Variants in NTRK3 observed in about 807,000 individuals in gnomAD.
The protein encoded by NTRK3 is neurotrophic receptor tyrosine kinase 3, also known as NT-3 growth factor receptor.
Under a neutral mutation model 91.7 loss-of-function variants are expected in NTRK3, and 24 were observed. The observed-to-expected ratio is 0.26, with a 90% CI of 0.19 to 0.37. The LOEUF (loss-of-function observed/expected upper bound fraction) is 0.37. NTRK3 is among the 10% of genes least tolerant of loss of function. NTRK3 has a pLI of 1.00. For missense variants in NTRK3, 880 were observed against 1,068.9 expected, an observed-to-expected ratio of 0.82 and a Z score of 2.46; for synonymous variants, 483 against 404.0, an observed-to-expected ratio of 1.20 and a Z score of -2.34.
intron 6 of NTRK3, among the ~76,000 whole-genome samples, chr15:88,143,700 C>T (rs2042610081): frequency 6.6e-6 from 1 of 152,022 alleles, no homozygotes; most frequent in South Asian, 2.1e-4. Context: ...TATAGTAATA[C>T]TATTAGTAAC....
intron 3 of NTRK3, among the ~76,000 whole-genome samples, chr15:88,186,267 C>G (rs992795451): frequency 2.0e-5 from 3 of 152,194 alleles, no homozygotes; most frequent in Admixed American, 1.3e-4. Flanking sequence ...TTTTTCACAG[C>G]CCACATTAGA....
intron 17 of NTRK3, among the ~76,000 whole-genome samples, chr15:87,882,351 T>C (rs1332602195): frequency 2.0e-5 from 3 of 152,152 alleles, no homozygotes; most frequent in African/African-American, 7.2e-5. Context: ...ATTGAATACA[T>C]ATTCTAGAAA....
At chr15:87,998,531 T>C (rs1201735281) in intron 14 of NTRK3, among the ~76,000 whole-genome samples, 2 of 152,234 alleles carry the variant, frequency 1.3e-5, no homozygotes, top group East Asian at 1.9e-4. Context: ...ACAAGTCACA[T>C]TGGACTTTAA....
chr15:88,057,118 G>A (rs571597166), intron 13 of NTRK3, among the ~76,000 whole-genome samples: 41 of 147,718 alleles, frequency 2.8e-4, no homozygotes, highest in African/African-American at 1.0e-3. Context: ...GCAGTGAGTC[G>A]AGATCGCGCC....
At chr15:88,123,485 A>C (rs1364024173) in intron 13 of NTRK3, among the ~76,000 whole-genome samples, 1 of 152,216 alleles carries the variant, frequency 6.6e-6, no homozygotes, top group Non-Finnish European at 1.5e-5. Context: ...ATGCAGCTTG[A>C]GGCATTTGCT....
At chr15:88,133,122 G>A (rs1247903755) in intron 10 of NTRK3, among the ~76,000 whole-genome samples, 1 of 152,190 alleles carries the variant, frequency 6.6e-6, no homozygotes, top group African/African-American at 2.4e-5. Context: ...CTCAGGTGAG[G>A]TGGATGGGGC....
exon 19 of NTRK3, chr15:87,871,332 C>T (rs143989631): frequency 7.8e-4 from 180 of 231,382 alleles, no homozygotes; most frequent in African/African-American, 3.7e-3. Context: ...TAGGGCAGCC[C>T]ATGCTCAGAG....
At chr15:87,912,922 G>GT (rs2067175244) in intron 17 of NTRK3, among the ~76,000 whole-genome samples, 1 of 18,114 alleles carries the variant, frequency 5.5e-5, no homozygotes, top group Non-Finnish European at 1.0e-4. Flanking sequence ...TTTTCAAAAA[G>GT]TAAAAAAAAA....
intron 14 of NTRK3, among the ~76,000 whole-genome samples, chr15:87,969,394 C>T (rs1456184167): frequency 6.6e-6 from 1 of 152,100 alleles, no homozygotes; most frequent in South Asian, 2.1e-4. Context: ...TATTGAAGGA[C>T]ATGAATTTTC....
intron 17 of NTRK3, among the ~76,000 whole-genome samples, chr15:87,921,364 T>C (rs1391555129): frequency 1.3e-5 from 2 of 152,194 alleles, no homozygotes; most frequent in Non-Finnish European, 2.9e-5. Context: ...TAGGAGTACC[T>C]AATGGCTAAA....
intron 16 of NTRK3, among the ~76,000 whole-genome samples, chr15:87,931,961 A>G (rs1032138352): frequency 1.3e-5 from 2 of 152,230 alleles, no homozygotes; most frequent in Admixed American, 1.3e-4. Flanking sequence ...GCCACACCCT[A>G]AGTATACAGG....
chr15:88,181,053 T>A (rs1158738159), intron 5 of NTRK3, among the ~76,000 whole-genome samples: 1 of 152,136 alleles, frequency 6.6e-6, no homozygotes, highest in Non-Finnish European at 1.5e-5. Flanking sequence ...GCTGACTTTC[T>A]TGAACTAGGT....
At chr15:88,036,829 T>C (rs1297133496) in intron 13 of NTRK3, among the ~76,000 whole-genome samples, 1 of 152,140 alleles carries the variant, frequency 6.6e-6, no homozygotes, top group Non-Finnish European at 1.5e-5. Context: ...TTCTCAGCAT[T>C]ATAGGATGTG....
At position 87,932,867 on chromosome 15, in the gene NTRK3, A is replaced by G. The variant is rs1567122974; in HGVS notation, c.1889+145T>C. 9 of 844,544 alleles carry G rather than the reference A, an allele frequency of 1.1e-5. No individual in the cohort carries two copies. In the East Asian group the frequency reaches 2.4e-4, roughly 22 times the overall value. 52.3% of individuals were successfully genotyped at this position (844,544 alleles called of 1,614,324 possible). ...CCTGAATCTGGCTGCTAAGGAGATC[A>G]TGTATAAGAATGAATGTGTTCATCT... On this transcript the variant is annotated intron_variant, in intron 16 of 18. Coordinates refer to ENST00000394480, the Ensembl canonical transcript of NTRK3.
chr15:88,156,719 A>G (rs1455215417), intron 5 of NTRK3, among the ~76,000 whole-genome samples: 1 of 152,136 alleles, frequency 6.6e-6, no homozygotes, highest in Non-Finnish European at 1.5e-5. Context: ...CGACTGTCAC[A>G]GCCTGCGTCT....
chr15:87,881,758 A>G (rs946055784), intron 17 of NTRK3, among the ~76,000 whole-genome samples: 3 of 152,246 alleles, frequency 2.0e-5, no homozygotes, highest in Non-Finnish European at 2.9e-5. Context: ...TAGAGAAATA[A>G]TAACAATGAA....
At chr15:88,112,763 A>C (rs185485396) in intron 13 of NTRK3, among the ~76,000 whole-genome samples, 10 of 152,298 alleles carry the variant, frequency 6.6e-5, no homozygotes, top group Non-Finnish European at 1.3e-4. Flanking sequence ...CAGTGACCTG[A>C]GCTATTTCTA....
At chr15:88,084,086 C>CTTTTTTTTTTTTT (rs764435924) in intron 13 of NTRK3, among the ~76,000 whole-genome samples, 1 of 135,850 alleles carries the variant, frequency 7.4e-6, no homozygotes. Context: ...GTCCAAGTGC[C>CTTTTTTTTTTTTT]TTTTTTTTTT....
chr15:88,078,872 C>T (rs1019291298), intron 13 of NTRK3, among the ~76,000 whole-genome samples: 2 of 152,182 alleles, frequency 1.3e-5, no homozygotes, highest in African/African-American at 2.4e-5. Context: ...CCAGAGTGGA[C>T]GAGCACGGGG....
Sources: gnomAD v4.1 joint callset for allele counts (sites outside exome capture counted in the v4.1 genomes callset) on GRCh38, gnomAD v4.1.1 for gene constraint, MANE v1.5 for transcripts, NCBI Gene and HGNC (gene_info 2026-07-23, HGNC 2026-07-21) for gene names.